Variants in NRG1 observed in about 807,000 individuals in gnomAD.
NRG1 encodes the protein pro-neuregulin-1, membrane-bound isoform.
Under a neutral mutation model 63.8 loss-of-function variants are expected in NRG1, and 18 were observed. The ratio of observed to expected loss-of-function variants is 0.28; its 90% CI spans 0.19 to 0.42. The LOEUF (loss-of-function observed/expected upper bound fraction) is 0.42. Among genes scored for constraint, NRG1 ranks in the 10% least tolerant of loss-of-function variants. The pLI, the probability that NRG1 is intolerant of heterozygous loss-of-function variation, is 1.00. For synonymous variants in NRG1, 302 were observed against 301.3 expected (o/e 1.00, Z -0.02); for missense variants, 762 against 814.7 (o/e 0.94, Z 0.79).
At chr8:32,114,249 C>G (rs959999776) in intron 1 of NRG1, among the ~76,000 whole-genome samples, 10 of 152,206 alleles carry the variant, frequency 6.6e-5, no homozygotes, top group Non-Finnish European at 1.0e-4. Context: ...CATAGCAAAT[C>G]TGTCCCTGCA....
intron 1 of NRG1, among the ~76,000 whole-genome samples, chr8:32,223,920 A>C (rs768410137): frequency 9.2e-5 from 14 of 152,268 alleles, no homozygotes; most frequent in South Asian, 4.2e-4. Flanking sequence ...GAATAGAGAG[A>C]GAGGTGAGAT....
intron 1 of NRG1, among the ~76,000 whole-genome samples, chr8:32,595,477 C>T (rs1843191011): frequency 6.6e-6 from 1 of 152,152 alleles, no homozygotes; most frequent in Non-Finnish European, 1.5e-5. Context: ...GCGTGAACCA[C>T]CGTGCCCAGC....
rs183951703 is a variant in NRG1 at position 31,750,926 on chromosome 8, T to C, written c.37+111495T>C. ...TTTGAAAATATGAATCTCAGGTCAT[T>C]GGAATTTGTGTATTCTAATAAAAAC... On this transcript the variant is annotated intron_variant, in intron 1 of 10. Coordinates refer to the NRG1 transcript ENST00000519301. Among the ~76,000 whole-genome samples, 156 of 152,114 alleles carry C rather than the reference T, an allele frequency of 1.0e-3. 1 individual carries two copies. The highest frequency in any genetic ancestry group is 3.5e-3 in the Admixed American group (54 of 15,250).
intron 1 of NRG1, among the ~76,000 whole-genome samples, chr8:32,339,152 C>T (rs889490278): frequency 3.7e-4 from 57 of 152,250 alleles, no homozygotes; most frequent in African/African-American, 1.3e-3. Context: ...CCATGTACTA[C>T]AGTTCCCTCT....
chr8:31,873,917 CTCT>C (rs1829702812), intron 1 of NRG1, among the ~76,000 whole-genome samples: 1 of 151,968 alleles, frequency 6.6e-6, no homozygotes. Flanking sequence ...AAGTCTTGCT[CTCT>C]TCTTAAGTTA....
chr8:31,766,020 A>T (rs989140322), intron 1 of NRG1, among the ~76,000 whole-genome samples: 1 of 152,168 alleles, frequency 6.6e-6, no homozygotes, highest in African/African-American at 2.4e-5. Context: ...TTACCACAAT[A>T]AGTCATTTGT....
At chr8:32,461,637 A>C (rs1436977652) in intron 1 of NRG1, among the ~76,000 whole-genome samples, 1 of 151,914 alleles carries the variant, frequency 6.6e-6, no homozygotes, top group East Asian at 1.9e-4. Context: ...GGTTGAAATG[A>C]CTCTAGATCA....
intron 5 of NRG1, chr8:32,647,897 G>A (rs189750959): frequency 3.7e-6 from 6 of 1,614,156 alleles, no homozygotes; most frequent in East Asian, 2.2e-5. Flanking sequence ...CCTGCTGTGC[G>A]TGCCTAGAAG....
intron 1 of NRG1, among the ~76,000 whole-genome samples, chr8:32,377,527 CA>C (rs576703952): frequency 3.9e-5 from 6 of 152,194 alleles, no homozygotes; most frequent in South Asian, 4.2e-4. Context: ...TTCAACAACA[CA>C]AAAACACATC....
Position 32,648,434 on chromosome 8 carries a change from G to A in NRG1, c.502+31549G>A, listed in dbSNP as rs771897797. On this transcript the variant is annotated intron_variant, in intron 5 of 11. Coordinates refer to ENST00000356819, the Ensembl canonical transcript of NRG1. ...GATGATGATGATGAATAAAAGGGGT[G>A]GGTTTGAGGTCCCCAAAGGACATTT... 3.8e-6 allele frequency: 6 copies of A among 1,580,440 alleles called. No individual in the cohort carries two copies. The Admixed American group carries it at 5.4e-5, about 14-fold the overall frequency.
chr8:32,080,442 ACTAC>A, intron 1 of NRG1, among the ~76,000 whole-genome samples: 1 of 152,336 alleles, frequency 6.6e-6, no homozygotes, highest in East Asian at 1.9e-4. Flanking sequence ...AAGTAAAGTG[ACTAC>A]ACCTAAGCTC....
intron 1 of NRG1, among the ~76,000 whole-genome samples, chr8:31,671,275 A>C (rs1807116153): frequency 6.6e-6 from 1 of 152,194 alleles, no homozygotes; most frequent in Non-Finnish European, 1.5e-5. Context: ...GAGGAAGTTC[A>C]CTATTCTATT....
At chr8:32,367,802 A>G (rs1808275089) in intron 1 of NRG1, among the ~76,000 whole-genome samples, 1 of 152,108 alleles carries the variant, frequency 6.6e-6, no homozygotes, top group Non-Finnish European at 1.5e-5. Flanking sequence ...TTATAGTTTC[A>G]GGTCCTAAAT....
intron 1 of NRG1, among the ~76,000 whole-genome samples, chr8:32,589,600 GT>G (rs1244191035): frequency 6.6e-6 from 1 of 152,204 alleles, no homozygotes; most frequent in African/African-American, 2.4e-5. Context: ...AACGTGGAGA[GT>G]AAAGATATGA....
At chr8:32,300,431 T>A (rs545642041) in intron 1 of NRG1, among the ~76,000 whole-genome samples, 1 of 152,316 alleles carries the variant, frequency 6.6e-6, no homozygotes, top group Admixed American at 6.5e-5. Context: ...ATAGATTAAT[T>A]TCTAAAATAC....
chr8:32,733,158 G>T (rs897175929), intron 6 of NRG1, among the ~76,000 whole-genome samples: 5 of 151,978 alleles, frequency 3.3e-5, no homozygotes, highest in Non-Finnish European at 5.9e-5. Flanking sequence ...GTTTTATTTG[G>T]TTTGTTGGGA....
At chr8:32,550,412 G>A (rs1177838213) in intron 1 of NRG1, among the ~76,000 whole-genome samples, 3 of 152,066 alleles carry the variant, frequency 2.0e-5, no homozygotes, top group Admixed American at 6.5e-5. Context: ...AGCTCAAATC[G>A]TTGTAAAGAG....
At chr8:32,520,971 C>T (rs935191501) in intron 1 of NRG1, among the ~76,000 whole-genome samples, 28 of 152,184 alleles carry the variant, frequency 1.8e-4, no homozygotes, top group Admixed American at 1.4e-3. Flanking sequence ...TTAAGCAACC[C>T]TTCATGTAAT....
intron 1 of NRG1, among the ~76,000 whole-genome samples, chr8:32,008,178 A>G (rs1357477498): frequency 1.3e-5 from 2 of 152,042 alleles, no homozygotes; most frequent in Non-Finnish European, 2.9e-5. Flanking sequence ...TTAGTGAAGA[A>G]GAGTGTCGGC....
Sources: allele counts gnomAD v4.1 joint callset (sites outside exome capture counted in the v4.1 genomes callset), GRCh38; gene constraint gnomAD v4.1.1; transcripts MANE v1.5; gene names NCBI Gene and HGNC (gene_info 2026-07-23, HGNC 2026-07-21).